The following PTPRD variants were observed in gnomAD, a reference collection of about 807,000 sequenced individuals.
PTPRD encodes receptor-type tyrosine-protein phosphatase delta.
Under a neutral mutation model 214.5 loss-of-function variants are expected in PTPRD, and 34 were observed. The observed-to-expected ratio is 0.16, with a 90% CI of 0.12 to 0.21. PTPRD has a LOEUF of 0.21. PTPRD is among the 10% of genes least tolerant of loss of function. PTPRD has a pLI of 1.00. For missense variants in PTPRD, 2,545 were observed against 2,398.7 expected (o/e 1.06, Z -1.27); for synonymous variants, 1,128 against 845.7 (o/e 1.33, Z -5.79).
chr9:9,608,923 A>G, intron 7 of PTPRD, among the ~76,000 whole-genome samples: 1 of 152,210 alleles, frequency 6.6e-6, no homozygotes, highest in Admixed American at 6.5e-5. Flanking sequence ...CTTTATTCGG[A>G]GGGAAAAATA....
At chr9:9,609,824 T>C (rs2094420989) in intron 7 of PTPRD, among the ~76,000 whole-genome samples, 1 of 152,106 alleles carries the variant, frequency 6.6e-6, no homozygotes, top group Admixed American at 6.5e-5. Flanking sequence ...GTTAGGCTGG[T>C]GGGTTGTGTT....
chr9:8,420,940 A>G (rs1236949689), intron 35 of PTPRD, among the ~76,000 whole-genome samples: 4 of 151,976 alleles, frequency 2.6e-5, no homozygotes, highest in Middle Eastern at 3.2e-3. Context: ...GATCACTGTC[A>G]GGGAGCTTGA....
intron 7 of PTPRD, among the ~76,000 whole-genome samples, chr9:9,593,363 A>G (rs531037579): frequency 6.6e-6 from 1 of 151,378 alleles, no homozygotes; most frequent in Admixed American, 6.6e-5. Context: ...ATTTGTATGT[A>G]CATGTGTATG....
intron 11 of PTPRD, among the ~76,000 whole-genome samples, chr9:8,854,756 G>C (rs1188429027): frequency 2.0e-5 from 3 of 152,124 alleles, no homozygotes; most frequent in Non-Finnish European, 4.4e-5. Flanking sequence ...ATACAAACTT[G>C]TACAGCGCTT....
intron 14 of PTPRD, among the ~76,000 whole-genome samples, chr9:8,595,016 T>C (rs1291417931): frequency 1.3e-5 from 2 of 151,292 alleles, no homozygotes; most frequent in Non-Finnish European, 3.0e-5. Flanking sequence ...GCCCCCACCA[T>C]CATGCCCAGC....
intron 11 of PTPRD, among the ~76,000 whole-genome samples, chr9:8,971,898 T>A (rs529440104): frequency 5.3e-5 from 8 of 151,888 alleles, no homozygotes; most frequent in African/African-American, 1.9e-4. Flanking sequence ...AGAGCTAGGA[T>A]AATTCATTAA....
At chr9:8,372,378 A>G (rs2081821045) in intron 39 of PTPRD, among the ~76,000 whole-genome samples, 1 of 152,038 alleles carries the variant, frequency 6.6e-6, no homozygotes, top group Admixed American at 6.6e-5. Flanking sequence ...TATGCCATGC[A>G]CTGTCTCAAG....
At chr9:9,947,538 TATA>T (rs1311750281) in intron 4 of PTPRD, among the ~76,000 whole-genome samples, 5 of 31,190 alleles carry the variant, frequency 1.6e-4, no homozygotes, top group African/African-American at 8.3e-4. Context: ...ATATTTTATA[TATA>T]ATATATATAT....
intron 9 of PTPRD, among the ~76,000 whole-genome samples, chr9:9,367,671 C>A (rs1178718577): frequency 2.6e-5 from 4 of 151,486 alleles, no homozygotes; most frequent in Non-Finnish European, 5.9e-5. Flanking sequence ...GGAGCTGTTT[C>A]CATCAAAACT....
intron 9 of PTPRD, among the ~76,000 whole-genome samples, chr9:9,259,386 C>CA (rs1248897471): frequency 6.6e-6 from 1 of 151,826 alleles, no homozygotes. Context: ...AATGTGCTTA[C>CA]AGGACATGTT....
At chr9:9,691,885 A>C (rs772974985) in intron 7 of PTPRD, among the ~76,000 whole-genome samples, 2 of 151,926 alleles carry the variant, frequency 1.3e-5, no homozygotes, top group Non-Finnish European at 2.9e-5. Context: ...ATGATGTTAA[A>C]CATTTTTTAT....
intron 10 of PTPRD, among the ~76,000 whole-genome samples, chr9:9,049,257 T>A (rs1477079635): frequency 1.3e-5 from 2 of 152,204 alleles, no homozygotes; most frequent in Non-Finnish European, 2.9e-5. Context: ...ATGGAAGAAC[T>A]GAGAAAAATG....
At chr9:8,386,283 A>G (rs2087002222) in intron 37 of PTPRD, among the ~76,000 whole-genome samples, 1 of 152,148 alleles carries the variant, frequency 6.6e-6, no homozygotes, top group African/African-American at 2.4e-5. Flanking sequence ...GTCCTCTCTC[A>G]TGGTGGTATC....
At chr9:10,395,984 C>T (rs544744277) in intron 2 of PTPRD, among the ~76,000 whole-genome samples, 3 of 140,572 alleles carry the variant, frequency 2.1e-5, no homozygotes, top group South Asian at 2.6e-4. Context: ...AGAGAGACAG[C>T]GAGAGACACA....
intron 10 of PTPRD, among the ~76,000 whole-genome samples, chr9:9,102,989 C>T (rs966803716): frequency 1.3e-5 from 2 of 152,158 alleles, no homozygotes; most frequent in Admixed American, 6.5e-5. Context: ...TTTTTATGGT[C>T]TCTGTGTCTT....
intron 9 of PTPRD, among the ~76,000 whole-genome samples, chr9:9,253,365 C>G (rs901726528): frequency 6.6e-6 from 1 of 151,888 alleles, no homozygotes; most frequent in African/African-American, 2.4e-5. Context: ...GGCGTCGAGT[C>G]TAGAAATTAT....
intron 9 of PTPRD, among the ~76,000 whole-genome samples, chr9:9,195,820 T>C (rs991665022): frequency 6.6e-6 from 1 of 151,888 alleles, no homozygotes; most frequent in Admixed American, 6.6e-5. Context: ...CTGTCAAGAA[T>C]AAGAAAAGAC....
At chr9:8,769,581 C>T (rs1389059362) in intron 11 of PTPRD, among the ~76,000 whole-genome samples, 3 of 151,660 alleles carry the variant, frequency 2.0e-5, no homozygotes, top group Non-Finnish European at 4.4e-5. Flanking sequence ...AAAATGTGTC[C>T]CCCACCACTC....
At chr9:10,113,638 CTGTTTACA>C (rs2098708684) in intron 3 of PTPRD, among the ~76,000 whole-genome samples, 1 of 152,170 alleles carries the variant, frequency 6.6e-6, no homozygotes, top group Non-Finnish European at 1.5e-5. Flanking sequence ...AGCAAAGCGA[CTGTTTACA>C]AGTGCCTCCA....
Sources: gnomAD v4.1 joint callset for allele counts (sites outside exome capture counted in the v4.1 genomes callset) on GRCh38, gnomAD v4.1.1 for gene constraint, MANE v1.5 for transcripts, NCBI Gene and HGNC (gene_info 2026-07-23, HGNC 2026-07-21) for gene names.